Variants in RFX4 observed in about 807,000 individuals in gnomAD.
RFX4 encodes transcription factor RFX4.
In RFX4, 10 loss-of-function variants were observed where a neutral mutation model predicts 95.0. The ratio of observed to expected loss-of-function variants is 0.11; its 90% CI spans 0.06 to 0.18. The LOEUF (loss-of-function observed/expected upper bound fraction) is 0.18. Ranked by LOEUF, RFX4 falls within the 10% of genes least tolerant of loss-of-function variation. The pLI is 1.00. For missense variants in RFX4, 640 were observed against 922.0 expected, an observed-to-expected ratio of 0.69 and a Z score of 3.96; for synonymous variants, 321 against 340.7, an observed-to-expected ratio of 0.94 and a Z score of 0.64.
At chr12:106,684,709 G>C (rs1452183860) in intron 5 of RFX4, 17 of 1,490,674 alleles carry the variant, frequency 1.1e-5, no homozygotes, top group African/African-American at 2.8e-5. Flanking sequence ...GTGAGTTCCA[G>C]GTGGGAAGGC....
intron 3 of RFX4, chr12:106,646,058 T>C: frequency 1.3e-6 from 1 of 758,242 alleles, no homozygotes. Context: ...ATGTGTCAAA[T>C]GGTAAAGCCA....
At chr12:106,681,244 A>G (rs964293168) in intron 4 of RFX4, 1 of 152,188 alleles carries the variant, frequency 6.6e-6, no homozygotes, top group South Asian at 2.1e-4. Flanking sequence ...CAAACCCTGT[A>G]TGAGGTCCTT....
intron 4 of RFX4, among the ~76,000 whole-genome samples, chr12:106,672,792 T>C (rs2041311564): frequency 6.7e-6 from 1 of 148,346 alleles, no homozygotes; most frequent in Non-Finnish European, 1.5e-5. Context: ...CCAAACCCCC[T>C]TCCCACAGGT....
chr12:106,759,365 A>C (rs1294425247), intron 17 of RFX4, among the ~76,000 whole-genome samples: 1 of 152,192 alleles, frequency 6.6e-6, no homozygotes, highest in Admixed American at 6.5e-5. Context: ...GGAGAGCACC[A>C]GGAGGTGAGG....
chr12:106,703,296 G>A (rs966319329), intron 8 of RFX4, among the ~76,000 whole-genome samples: 4 of 152,064 alleles, frequency 2.6e-5, no homozygotes, highest in Admixed American at 6.5e-5. Flanking sequence ...TGCTCTTTCC[G>A]GCTTTCCACA....
At chr12:106,636,525 C>G (rs1361782632) in intron 2 of RFX4, among the ~76,000 whole-genome samples, 4 of 151,922 alleles carry the variant, frequency 2.6e-5, no homozygotes, top group Non-Finnish European at 5.9e-5. Flanking sequence ...AAGAGAGTAT[C>G]AAGGAAGGCT....
At chr12:106,663,141 A>T (rs1357215747) in intron 4 of RFX4, among the ~76,000 whole-genome samples, 2 of 152,118 alleles carry the variant, frequency 1.3e-5, no homozygotes, top group African/African-American at 4.8e-5. Context: ...CTGTTGATCA[A>T]GATGGGAATA....
chr12:106,750,945 T>A (rs1413667598), intron 17 of RFX4, 152 bp downstream of exon 17: 4 of 659,138 alleles, frequency 6.1e-6, no homozygotes, highest in East Asian at 4.0e-5. Context: ...TATTTATTTT[T>A]ATTATTATAC....
chr12:106,612,349 A>G (rs2039977502), intron 2 of RFX4, among the ~76,000 whole-genome samples: 3 of 152,122 alleles, frequency 2.0e-5, no homozygotes, highest in South Asian at 2.1e-4. Context: ...ATTCCTAAGT[A>G]TTTTATTCTT....
intron 2 of RFX4, among the ~76,000 whole-genome samples, chr12:106,614,572 G>C (rs1394624221): frequency 1.3e-5 from 2 of 150,068 alleles, no homozygotes; most frequent in Non-Finnish European, 3.0e-5. Flanking sequence ...GCAGTGGCGC[G>C]ATCTCGGCTC....
chr12:106,699,130 A>G (rs909445083), intron 8 of RFX4, among the ~76,000 whole-genome samples: 1 of 152,030 alleles, frequency 6.6e-6, no homozygotes, highest in Non-Finnish European at 1.5e-5. Context: ...CATTCAAAAT[A>G]TTTTCTACTT....
intron 2 of RFX4, among the ~76,000 whole-genome samples, chr12:106,615,264 C>T (rs1199573254): frequency 1.3e-5 from 2 of 152,072 alleles, no homozygotes; most frequent in Non-Finnish European, 2.9e-5. Flanking sequence ...TTCAGTGGTG[C>T]CTTCATCATA....
chr12:106,606,884 T>A (rs757151728), intron 1 of RFX4, among the ~76,000 whole-genome samples: 21 of 152,228 alleles, frequency 1.4e-4, no homozygotes, highest in Non-Finnish European at 2.6e-4. Flanking sequence ...TGGCTTCTTT[T>A]TATGGTGTGT....
chr12:106,704,997 T>C (rs2042057010), intron 8 of RFX4, among the ~76,000 whole-genome samples: 1 of 152,154 alleles, frequency 6.6e-6, no homozygotes, highest in African/African-American at 2.4e-5. Context: ...GTGCACAATG[T>C]GGTACTTTCA....
At chr12:106,607,509 G>C (rs2162280) in intron 1 of RFX4, among the ~76,000 whole-genome samples, 1 of 144,600 alleles carries the variant, frequency 6.9e-6, no homozygotes, top group Non-Finnish European at 1.5e-5. Flanking sequence ...TAGCTGGTAG[G>C]TGTCTGAGGT....
intron 2 of RFX4, among the ~76,000 whole-genome samples, chr12:106,614,342 G>A (rs1297496631): frequency 6.6e-6 from 1 of 151,234 alleles, no homozygotes; most frequent in African/African-American, 2.4e-5. Flanking sequence ...TGTATTTTTA[G>A]TAGAGACTGG....
Position 106,604,343 on chromosome 12 carries a change from A to G in RFX4, c.44-4454A>G, listed in dbSNP as rs1206736343. ...CGCCATGTTGGCCAGGCTGGTCTTG[A>G]ACTCCTGACCTCCGGTGATCAGCCC... is the stretch of plus-strand genomic sequence containing the variant. On this transcript the variant is annotated intron_variant, in intron 1 of 17. Coordinates refer to ENST00000392842, the MANE Select transcript of RFX4 (RefSeq NM_213594.3). Among the ~76,000 whole-genome samples, 6 of 151,446 alleles carry G rather than the reference A, an allele frequency of 4.0e-5. No individual in the cohort carries two copies. The South Asian group carries it at 1.0e-3, about 26-fold the overall frequency.
At chr12:106,685,026 C>CT in intron 5 of RFX4, 1 of 1,519,760 alleles carries the variant, frequency 6.6e-7, no homozygotes, top group Non-Finnish European at 8.9e-7. Flanking sequence ...GATTTTGTGA[C>CT]TTTCATTGTA....
intron 1 of RFX4, among the ~76,000 whole-genome samples, chr12:106,607,556 T>C (rs935995254): frequency 2.8e-5 from 3 of 105,366 alleles, no homozygotes; most frequent in Non-Finnish European, 5.0e-5. Context: ...TCTGTGGTGC[T>C]AAGTATAATG....
Sources: gnomAD v4.1 joint callset for allele counts (sites outside exome capture counted in the v4.1 genomes callset) on GRCh38, gnomAD v4.1.1 for gene constraint, MANE v1.5 for transcripts, NCBI Gene and HGNC (gene_info 2026-07-23, HGNC 2026-07-21) for gene names.